The following PNPLA7 variants were observed in gnomAD, a reference collection of about 807,000 sequenced individuals.
The protein encoded by PNPLA7 is patatin like domain 7, lysophospholipase.
PNPLA7 carries 153 observed loss-of-function variants against 161.7 expected under a neutral mutation model. That is an observed-to-expected ratio of 0.95 (90% CI 0.83 to 1.08). The LOEUF is 1.08. PNPLA7 is among the 50% of genes least tolerant of loss of function. The pLI is 0.00. For synonymous variants in PNPLA7, 809 were observed against 782.1 expected (o/e 1.03, Z -0.57); for missense variants, 1,739 against 1,856.6 (o/e 0.94, Z 1.16).
At chr9:137,532,025 C>T (rs75301915) in intron 8 of PNPLA7, among the ~76,000 whole-genome samples, 1,632 of 152,334 alleles carry the variant, frequency 0.011, 29 homozygotes, top group African/African-American at 0.036. Context: ...CTCTCCCGAA[C>T]AGCCAGGACT....
At position 137,541,886 on chromosome 9, in the gene PNPLA7, A is replaced by C. The variant is rs950908043; in HGVS notation, c.666+756T>G. Among the ~76,000 whole-genome samples the C allele has an allele frequency of 5.3e-5, 8 of 151,634 alleles. No individual in the cohort carries two copies. The highest frequency in any genetic ancestry group is 1.7e-4 in the African/African-American group (7 of 41,212). On this transcript the variant is annotated intron_variant, in intron 7 of 34. Transcript: ENST00000406427. The surrounding 1 kb of genome is among the most constrained non-coding windows in gnomAD (Gnocchi z 4.4). Reference sequence around the variant, plus strand: ...AGCCGCAACCTCCCAGACTCAAGCGATCCTCCCACCTCAGCCCCCAAGTGG... The same window carrying C: ...AGCCGCAACCTCCCAGACTCAAGCGCTCCTCCCACCTCAGCCCCCAAGTGG...
intron 20 of PNPLA7, among the ~76,000 whole-genome samples, chr9:137,485,080 C>T (rs999094544): frequency 6.6e-5 from 10 of 152,222 alleles, no homozygotes; most frequent in African/African-American, 2.4e-4. Flanking sequence ...TTCTCCAGGC[C>T]GGAGGCTGTC....
chr9:137,535,534 C>T (rs567004729), intron 8 of PNPLA7, among the ~76,000 whole-genome samples: 1 of 152,192 alleles, frequency 6.6e-6, no homozygotes, highest in Admixed American at 6.5e-5. Flanking sequence ...GCAGGCGGAT[C>T]ACAAGGTCAG....
chr9:137,478,289 C>T lies in PNPLA7; in HGVS notation c.2764-137G>A, dbSNP rs145756982. 3.1e-5 allele frequency: 19 copies of T among 610,814 alleles called. No individual in the cohort carries two copies. In the East Asian group the frequency reaches 5.9e-4, roughly 19 times the overall value. The allele number at this position is 610,814 out of a possible 1,614,324, so 37.8% of individuals were successfully genotyped here. On this transcript the variant is annotated intron_variant, in intron 24 of 34. Transcript: ENST00000406427. ...CAAATCCTCTCCAGCATGCAGCAGG[C>T]CCTGCCTGATACGACTGGTCAGCAC...
At chr9:137,503,973 AAGAAGGAAGAAGAAAG>A (rs1260856238) in intron 14 of PNPLA7, among the ~76,000 whole-genome samples, 16 of 142,488 alleles carry the variant, frequency 1.1e-4, no homozygotes, top group Admixed American at 2.1e-4. Context: ...AAGGAAGAAG[AAGAAGGAAGAAGAAAG>A]AAGCAAGAAG....
At position 137,484,659 on chromosome 9, in the gene PNPLA7, C is replaced by T; in HGVS notation, c.2275G>A (p.Val759Met). The T allele has an allele frequency of 6.2e-7, 1 of 1,612,626 alleles. No homozygotes were observed. The highest frequency in any genetic ancestry group is 8.5e-7 in the Non-Finnish European group (1 of 1,179,410). ...NPAVNLSTVA[V>M]MPVSEEVPLT... The stretch of plus-strand genomic sequence containing the variant: ...GGCACTTCCTCTGACACGGGCATCA[C>T]TGCCACCGTGGACAGGTTGACAGCC... The change falls in exon 21 of 35, where the codon GTG becomes ATG. Residue 759 changes from valine (V) to methionine (M), a missense_variant. Val to Met is a conservative substitution (Grantham distance 21, BLOSUM62 1). This residue lies in a region of PNPLA7 where 192 missense variants were observed against 249.5 expected (regional missense o/e 0.77). Coordinates refer to ENST00000406427, the MANE Select transcript of PNPLA7 (RefSeq NM_001098537.3).
At chr9:137,534,018 AAC>A (rs1318733883) in intron 8 of PNPLA7, among the ~76,000 whole-genome samples, 1 of 141,464 alleles carries the variant, frequency 7.1e-6, no homozygotes, top group African/African-American at 2.7e-5. Flanking sequence ...AATCCTCCAC[AAC>A]AGTGTCTACT....
rs374142622 is a variant in PNPLA7, at chr9:137,537,532, G to C, written c.747+3110C>G. Reference sequence around the variant, plus strand: ...GGGTTTCACCATGTTGGCCAGGATGGTCTCGATCTCCTGACCTCGTGATCC... The same window carrying C: ...GGGTTTCACCATGTTGGCCAGGATGCTCTCGATCTCCTGACCTCGTGATCC... On this transcript the variant is annotated intron_variant, in intron 8 of 34. Transcript: ENST00000406427. This position sits in a 1 kb window ranked among gnomAD's most constrained non-coding sequence, Gnocchi z 4.5. Among the ~76,000 whole-genome samples the C allele has an allele frequency of 1.3e-5, 2 of 152,140 alleles. No homozygotes were observed. Among genetic ancestry groups the C allele is most frequent in the African/African-American group, 2.4e-5 (1 of 41,410 alleles).
At chr9:137,501,435 G>C (rs1833409208) in intron 15 of PNPLA7, among the ~76,000 whole-genome samples, 1 of 152,236 alleles carries the variant, frequency 6.6e-6, no homozygotes. Flanking sequence ...GCGAGCAGAA[G>C]GGCCAGTGCA....
At position 137,479,951 on chromosome 9, in the gene PNPLA7, G is replaced by A. The variant is rs115113592; in HGVS notation, c.2580+361C>T. 2.7e-4 allele frequency: 255 copies of A among 942,994 alleles called. 1 individual carries two copies. In the African/African-American group the frequency reaches 3.8e-3, roughly 14 times the overall value. 58.4% of individuals were successfully genotyped at this position (942,994 alleles called of 1,614,324 possible). ...AAAAAGCAGTGAGAGGAACAGGAAC[G>A]ACGCCGACACCTAAGTGCTGTGGAG... On this transcript the variant is annotated intron_variant, in intron 23 of 34. Coordinates refer to ENST00000406427, the MANE Select transcript of PNPLA7 (RefSeq NM_001098537.3).
chr9:137,474,469 G>C (rs1184430242), intron 25 of PNPLA7, among the ~76,000 whole-genome samples: 2 of 152,140 alleles, frequency 1.3e-5, no homozygotes, highest in Non-Finnish European at 1.5e-5. Context: ...TGGAAAATCT[G>C]AGCAAGCAAG....
rs1310272302 is a variant in PNPLA7, at chr9:137,468,254, C to T, written c.2883-781G>A. ...GGCCTCTAATTGCTACTGCTGCTTTCATACAGAATGTCCACCACTCAACCA... is the reference window on the plus strand; with the variant it reads ...GGCCTCTAATTGCTACTGCTGCTTTTATACAGAATGTCCACCACTCAACCA... On this transcript the variant is annotated intron_variant, in intron 25 of 34. Coordinates refer to ENST00000406427, the MANE Select transcript of PNPLA7 (RefSeq NM_001098537.3). This position sits in a 1 kb window ranked among gnomAD's most constrained non-coding sequence, Gnocchi z 4.0. Among the ~76,000 whole-genome samples the T allele has an allele frequency of 6.6e-6, 1 of 151,738 alleles. No homozygotes were observed. The highest frequency in any genetic ancestry group is 6.6e-5 in the Admixed American group (1 of 15,224).
Position 137,461,933 on chromosome 9 carries a change from C to G in PNPLA7, c.3754G>C (p.Ala1252Pro). ...QQGPSKKPAS[A>P]VLTCPNASFT... is the part of the protein sequence containing the mutation. ...GTGGTCCGGACGCCCGTACTCACCG[C>G]ACTCGCGGGCTTCTTGCTCGGCCCC... Residue 1252 changes from alanine (A) to proline (P), a missense_variant and splice_region_variant, in exon 32 of 35, where the codon GCG becomes CCG. Coordinates refer to ENST00000406427, the MANE Select transcript of PNPLA7 (RefSeq NM_001098537.3). 1 of 1,567,550 alleles carries G rather than the reference C, an allele frequency of 6.4e-7. No individual in the cohort carries two copies.
Position 137,543,348 on chromosome 9 carries a change from A to C in PNPLA7, c.506+84T>G. The C allele has an allele frequency of 6.4e-7, 1 of 1,556,196 alleles. No individual in the cohort carries two copies. Among genetic ancestry groups the C allele is most frequent in the South Asian group, 1.1e-5 (1 of 88,216 alleles). On this transcript the variant is annotated intron_variant, in intron 6 of 34. Transcript: ENST00000406427. The surrounding 1 kb of genome is among the most constrained non-coding windows in gnomAD (Gnocchi z 6.9). ...TTGCCAACCATTCCCCCAACACAAG[A>C]CGGCCAAGCTGGAGCCAGGCCCCAG...
At chr9:137,514,985 C>A (rs821303) in intron 12 of PNPLA7, among the ~76,000 whole-genome samples, 10,105 of 151,846 alleles carry the variant, frequency 0.067, 1,063 homozygotes, top group African/African-American at 0.22. Context: ...AAGGTCCCTG[C>A]GGGGAGGCAC....
intron 12 of PNPLA7, among the ~76,000 whole-genome samples, chr9:137,512,754 A>G (rs1454637330): frequency 6.6e-6 from 1 of 152,002 alleles, no homozygotes; most frequent in Non-Finnish European, 1.5e-5. Flanking sequence ...AGCCTGGGTA[A>G]CATGGCAAGA....
intron 26 of PNPLA7, among the ~76,000 whole-genome samples, chr9:137,466,100 T>C (rs1302861811): frequency 1.3e-5 from 2 of 151,928 alleles, no homozygotes; most frequent in African/African-American, 2.4e-5. Context: ...CCAGGCCGGG[T>C]GCCATGCACC....
In PNPLA7 at chr9:137,501,664, T is replaced by C; in HGVS notation, c.1537A>G (p.Arg513Gly). 1 of 1,612,142 alleles carries C rather than the reference T, an allele frequency of 6.2e-7. No individual in the cohort carries two copies. Among genetic ancestry groups the C allele is most frequent in the Non-Finnish European group, 8.5e-7 (1 of 1,179,620 alleles). ...LHVPAGTVVSRQGDQDASILF... is the reference protein window; with the variant it reads ...LHVPAGTVVSGQGDQDASILF... ...CCCCCGCTCACCTGGTCTCCCTGCC[T>C]TGACACCACCGTGCCTGCAGGAACG... The change falls in exon 15 of 35, where the codon AGG becomes GGG. Residue 513 changes from arginine to glycine, a missense_variant. Transcript: ENST00000406427.
chr9:137,517,779 T>C (rs1463220795), intron 11 of PNPLA7, among the ~76,000 whole-genome samples: 9 of 7,260 alleles, frequency 1.2e-3, no homozygotes, highest in Non-Finnish European at 1.7e-3. Flanking sequence ...ACTCCATCCC[T>C]CACTCACTCA....
Sources: allele counts gnomAD v4.1 joint callset (sites outside exome capture counted in the v4.1 genomes callset), GRCh38; gene constraint gnomAD v4.1.1; regional missense constraint gnomAD v4.1.1; non-coding constraint Gnocchi (gnomAD v3.1); transcripts MANE v1.5; gene names NCBI Gene and HGNC (gene_info 2026-07-23, HGNC 2026-07-21).